The following CSMD1 variants were observed in gnomAD, a reference collection of about 807,000 sequenced individuals.
The protein encoded by CSMD1 is CUB and Sushi multiple domains 1, also known as CUB and sushi domain-containing protein 1.
Under a neutral mutation model 417.5 loss-of-function variants are expected in CSMD1, and 213 were observed. The ratio of observed to expected loss-of-function variants is 0.51; its 90% CI spans 0.46 to 0.57. CSMD1 has a LOEUF of 0.57. Among genes scored for constraint, CSMD1 ranks in the 20% least tolerant of loss-of-function variants. The pLI is 0.00. For missense variants in CSMD1, 6,923 were observed against 4,529.7 expected (o/e 1.53, Z -15.17); for synonymous variants, 2,862 against 1,736.8 (o/e 1.65, Z -16.11).
At chr8:3,171,473 C>T (rs921960614) in intron 37 of CSMD1, among the ~76,000 whole-genome samples, 5 of 152,194 alleles carry the variant, frequency 3.3e-5, no homozygotes, top group African/African-American at 1.2e-4. Context: ...TATGACAGGA[C>T]TGAGGTTTTC....
chr8:3,803,473 T>G (rs1030740833), intron 5 of CSMD1, among the ~76,000 whole-genome samples: 33 of 152,188 alleles, frequency 2.2e-4, no homozygotes, highest in African/African-American at 7.5e-4. Context: ...AAGTTATTAC[T>G]GCTTCAGAGG....
In CSMD1 at chr8:3,468,890, G is replaced by A. The variant is rs377471442; in HGVS notation, c.1449-66C>T. Reference sequence around the variant, plus strand: ...CAAGTACATCGACTTCCACCTGAAAGGAGGGTCTTGCTGCTTTAAACAGCC... The same window carrying A: ...CAAGTACATCGACTTCCACCTGAAAAGAGGGTCTTGCTGCTTTAAACAGCC... On this transcript the variant is annotated intron_variant, in intron 11 of 69. Transcript: ENST00000635120. 11 of 1,076,012 alleles carry A rather than the reference G, an allele frequency of 1.0e-5. No homozygotes were observed. The East Asian group carries it at 1.0e-4, about 10-fold the overall frequency. 66.7% of individuals were successfully genotyped at this position (1,076,012 alleles called of 1,614,324 possible).
At chr8:3,879,150 T>A (rs575473816) in intron 5 of CSMD1, among the ~76,000 whole-genome samples, 3 of 152,186 alleles carry the variant, frequency 2.0e-5, no homozygotes, top group African/African-American at 4.8e-5. Context: ...TTATTAGTAC[T>A]ATCAAAGCCT....
At chr8:4,071,857 G>T (rs1563085272) in intron 3 of CSMD1, among the ~76,000 whole-genome samples, 1 of 152,076 alleles carries the variant, frequency 6.6e-6, no homozygotes, top group Admixed American at 6.6e-5. Context: ...CACTCTCATG[G>T]AACTCCTCTG....
intron 2 of CSMD1, among the ~76,000 whole-genome samples, chr8:4,462,762 C>G (rs567510292): frequency 6.6e-6 from 1 of 152,250 alleles, no homozygotes; most frequent in African/African-American, 2.4e-5. Flanking sequence ...AAATGGTGCT[C>G]AGACAACTGA....
chr8:3,771,472 G>C (rs1197301107), intron 5 of CSMD1, among the ~76,000 whole-genome samples: 1 of 152,146 alleles, frequency 6.6e-6, no homozygotes, highest in East Asian at 1.9e-4. Flanking sequence ...GGCAAGCAGG[G>C]CCAGGCCAAT....
intron 3 of CSMD1, among the ~76,000 whole-genome samples, chr8:4,045,425 C>G (rs941633139): frequency 2.6e-5 from 4 of 152,176 alleles, no homozygotes; most frequent in African/African-American, 4.8e-5. Context: ...GTGGCCACAG[C>G]AGTAGAAATG....
intron 4 of CSMD1, among the ~76,000 whole-genome samples, chr8:4,031,190 G>A (rs1336434992): frequency 3.3e-5 from 5 of 152,118 alleles, no homozygotes; most frequent in African/African-American, 4.8e-5. Context: ...TATCTTTTCA[G>A]GAGTACCCCA....
At chr8:2,992,830 C>T (rs1403807837) in intron 54 of CSMD1, among the ~76,000 whole-genome samples, 1 of 152,140 alleles carries the variant, frequency 6.6e-6, no homozygotes, top group East Asian at 1.9e-4. Context: ...CTTGACCTCC[C>T]AGGCTCAAGG....
chr8:4,772,496 C>T (rs992770104), intron 1 of CSMD1, among the ~76,000 whole-genome samples: 4 of 152,142 alleles, frequency 2.6e-5, no homozygotes, highest in Admixed American at 6.6e-5. Flanking sequence ...CATAATATAA[C>T]ATTCACAGGA....
At chr8:4,250,062 G>C (rs750615505) in intron 3 of CSMD1, among the ~76,000 whole-genome samples, 3 of 152,166 alleles carry the variant, frequency 2.0e-5, no homozygotes, top group Non-Finnish European at 4.4e-5. Context: ...AGGGCTCTCA[G>C]AGTGGGCTAC....
chr8:3,638,237 A>G (rs1376945636), intron 7 of CSMD1, among the ~76,000 whole-genome samples: 2 of 152,162 alleles, frequency 1.3e-5, no homozygotes, highest in African/African-American at 4.8e-5. Context: ...ACATTGGTAG[A>G]AAAAATTCTA....
chr8:3,072,561 T>C (rs1813392872), intron 49 of CSMD1, among the ~76,000 whole-genome samples: 1 of 152,206 alleles, frequency 6.6e-6, no homozygotes, highest in African/African-American at 2.4e-5. Context: ...CGTAGGTGTT[T>C]ATGTGCATGT....
chr8:4,401,851 C>T (rs898853723), intron 3 of CSMD1, among the ~76,000 whole-genome samples: 1 of 152,118 alleles, frequency 6.6e-6, no homozygotes, highest in Non-Finnish European at 1.5e-5. Context: ...CATTTCCTGA[C>T]TTTCCCCCCA....
intron 3 of CSMD1, among the ~76,000 whole-genome samples, chr8:4,399,976 G>A (rs1019557883): frequency 6.6e-6 from 1 of 152,098 alleles, no homozygotes; most frequent in Non-Finnish European, 1.5e-5. Context: ...TTAGCACCAG[G>A]TTGATAAGCC....
chr8:4,650,217 C>T (rs1251267957), intron 1 of CSMD1, among the ~76,000 whole-genome samples: 5 of 151,556 alleles, frequency 3.3e-5, no homozygotes, highest in Admixed American at 6.6e-5. Flanking sequence ...TGGTGGCGGG[C>T]GCCTGTAGTC....
rs145018167 is a variant in CSMD1, at chr8:4,071,410, G to T, written c.416-39311C>A. Reference sequence around the variant, plus strand: ...AAGTAAACCTACTTTAAAAAAAATTGTAGTTTAGATATTTAATTATTCATT... The same window carrying T: ...AAGTAAACCTACTTTAAAAAAAATTTTAGTTTAGATATTTAATTATTCATT... On this transcript the variant is annotated intron_variant, in intron 3 of 69. Transcript: ENST00000635120. Among the ~76,000 whole-genome samples, 809 of 151,462 alleles carry T rather than the reference G, an allele frequency of 5.3e-3. 7 individuals are homozygous for T. The highest frequency in any genetic ancestry group is 0.019 in the African/African-American group (770 of 41,238).
intron 3 of CSMD1, among the ~76,000 whole-genome samples, chr8:4,171,947 C>A (rs1322299296): frequency 6.6e-6 from 1 of 152,068 alleles, no homozygotes; most frequent in Non-Finnish European, 1.5e-5. Flanking sequence ...ATTTTGTGTT[C>A]TTTCTTGCAT....
chr8:3,267,879 A>C (rs1801548680), intron 26 of CSMD1, among the ~76,000 whole-genome samples: 1 of 152,146 alleles, frequency 6.6e-6, no homozygotes, highest in African/African-American at 2.4e-5. Context: ...AGGGACCTGC[A>C]TAGAGTCCTA....
Sources: gnomAD v4.1 joint callset for allele counts (sites outside exome capture counted in the v4.1 genomes callset) on GRCh38, gnomAD v4.1.1 for gene constraint, MANE v1.5 for transcripts, NCBI Gene and HGNC (gene_info 2026-07-23, HGNC 2026-07-21) for gene names.